The following TCEA1 variants were observed in gnomAD, a reference collection of about 807,000 sequenced individuals.
TCEA1 encodes transcription elongation factor A protein 1.
TCEA1 carries 21 observed loss-of-function variants against 43.8 expected under a neutral mutation model. The observed-to-expected ratio is 0.48, with a 90% CI of 0.34 to 0.69. The LOEUF is 0.69. Among genes scored for constraint, TCEA1 ranks in the 30% least tolerant of loss-of-function variants. The pLI is 0.01. For missense variants in TCEA1, 250 were observed against 365.1 expected (o/e 0.68, Z 2.57); for synonymous variants, 104 against 117.5 (o/e 0.88, Z 0.75).
chr8:54,008,473 C>T (rs908307482), intron 2 of TCEA1, among the ~76,000 whole-genome samples: 7 of 151,804 alleles, frequency 4.6e-5, no homozygotes, highest in Non-Finnish European at 7.4e-5. Context: ...GGGAGAACCC[C>T]GTCTCTAAAA....
At chr8:53,991,497 C>T (rs1803880149) in intron 4 of TCEA1, among the ~76,000 whole-genome samples, 1 of 151,828 alleles carries the variant, frequency 6.6e-6, no homozygotes, top group Middle Eastern at 3.2e-3. Flanking sequence ...GAGTTCAAGA[C>T]CAGCCTGATC....
In TCEA1 at chr8:53,999,927, AG is replaced by A; in HGVS notation, c.232+17del. On this transcript the variant is annotated intron_variant, in intron 3 of 9. Transcript: ENST00000521604. ...AATCACAACATCATAAATATATGTAAGGGAAGATCAATGATACCTAATAATT... is the reference window on the plus strand; with the variant it reads ...AATCACAACATCATAAATATATGTAAGGAAGATCAATGATACCTAATAATT... 1.4e-6 allele frequency: 2 copies of A among 1,401,932 alleles called. No individual in the cohort carries two copies. Among genetic ancestry groups the A allele is most frequent in the African/African-American group, 2.8e-5 (2 of 70,798 alleles). 86.8% of individuals were successfully genotyped at this position (1,401,932 alleles called of 1,614,324 possible).
chr8:53,987,022 T>A lies in TCEA1; in HGVS notation c.470A>T (p.Asp157Val). 1 of 1,596,866 alleles carries A rather than the reference T, an allele frequency of 6.3e-7. No homozygotes were observed. Among genetic ancestry groups the A allele is most frequent in the Non-Finnish European group, 8.5e-7 (1 of 1,172,262 alleles). ...CTCATCAGCTCCAATTGCAATGTAG[T>A]CATCTAAAAATAGGCATAAAGAATT... ...MLAAALRTGDDYIAIGADEEE... is the reference protein window; with the variant it reads ...MLAAALRTGDVYIAIGADEEE... Residue 157 changes from aspartate to valine, a missense_variant, in exon 6 of 10, where the codon GAC (aspartate) becomes GTC (valine). Physicochemically the swap from Asp to Val is radical, Grantham distance 152. This residue lies in a region of TCEA1 where 147 missense variants were observed against 160.3 expected (regional missense o/e 0.92). Coordinates refer to ENST00000521604, the MANE Select transcript of TCEA1 (RefSeq NM_006756.4).
chr8:53,986,319 C>T (rs1803687089), intron 6 of TCEA1, among the ~76,000 whole-genome samples: 2 of 152,194 alleles, frequency 1.3e-5, no homozygotes, highest in South Asian at 2.1e-4. Context: ...CTGTGATGAA[C>T]ATATAGGACA....
intron 2 of TCEA1, among the ~76,000 whole-genome samples, chr8:54,007,186 A>G (rs1401229191): frequency 6.6e-6 from 1 of 152,136 alleles, no homozygotes; most frequent in Non-Finnish European, 1.5e-5. Context: ...GGATCCTTCT[A>G]GCAGTCTGGT....
chr8:54,017,763 A>T (rs1174260511), intron 1 of TCEA1, among the ~76,000 whole-genome samples: 2 of 152,210 alleles, frequency 1.3e-5, no homozygotes, highest in African/African-American at 4.8e-5. Flanking sequence ...TCTACTAAAA[A>T]TACAAAATTA....
At chr8:53,991,492 C>G (rs1803879689) in intron 4 of TCEA1, among the ~76,000 whole-genome samples, 2 of 151,772 alleles carry the variant, frequency 1.3e-5, no homozygotes, top group Non-Finnish European at 2.9e-5. Flanking sequence ...GTCAGGAGTT[C>G]AAGACCAGCC....
intron 9 of TCEA1, among the ~76,000 whole-genome samples, chr8:53,968,490 T>G (rs574344582): frequency 9.2e-5 from 14 of 152,304 alleles, no homozygotes; most frequent in African/African-American, 3.4e-4. Context: ...TGTCAAAACT[T>G]GTGTCACAAA....
At chr8:54,002,898 A>C (rs1478898990) in intron 2 of TCEA1, 2 of 456,304 alleles carry the variant, frequency 4.4e-6, no homozygotes, top group African/African-American at 2.0e-5. Flanking sequence ...TTACCTTGGA[A>C]AGGTGGAGAG....
At chr8:53,970,912 C>T (rs2129297924) in intron 8 of TCEA1, among the ~76,000 whole-genome samples, 1 of 152,278 alleles carries the variant, frequency 6.6e-6, no homozygotes, top group Middle Eastern at 3.4e-3. Context: ...ATAACTCCAA[C>T]AACCTTTCTA....
Position 53,999,173 on chromosome 8 carries a change from C to T in TCEA1, c.232+772G>A, listed in dbSNP as rs532783179. Among the ~76,000 whole-genome samples, 607 of 143,104 alleles carry T rather than the reference C, an allele frequency of 4.2e-3. 4 individuals are homozygous for T. The highest frequency in any genetic ancestry group is 0.015 in the African/African-American group (563 of 38,396). The allele number at this position is 143,104 out of a possible 152,430, so 93.9% of individuals were successfully genotyped here. On this transcript the variant is annotated intron_variant, in intron 3 of 9. Coordinates refer to ENST00000521604, the MANE Select transcript of TCEA1 (RefSeq NM_006756.4). The stretch of plus-strand genomic sequence containing the variant: ...CCAGGAGGCGGAGCTTGCAGTGAGC[C>T]GAGATTGCACCACTGCACTCCAGCC...
chr8:54,003,492 T>A (rs994916229), intron 2 of TCEA1, among the ~76,000 whole-genome samples: 1 of 152,178 alleles, frequency 6.6e-6, no homozygotes, highest in African/African-American at 2.4e-5. Context: ...GGCAAAAGGA[T>A]GGACGCGCAG....
intron 8 of TCEA1, among the ~76,000 whole-genome samples, chr8:53,977,058 G>A (rs749558765): frequency 1.3e-5 from 2 of 152,208 alleles, no homozygotes; most frequent in South Asian, 2.1e-4. Context: ...GGTGGCTCAC[G>A]CCTGTAATCC....
intron 2 of TCEA1, among the ~76,000 whole-genome samples, chr8:54,007,306 G>GT (rs1474941751): frequency 2.6e-5 from 4 of 152,076 alleles, no homozygotes; most frequent in African/African-American, 9.7e-5. Context: ...ATTTTTAAAT[G>GT]TAAGATAGTA....
chr8:53,975,934 C>A (rs964828358), intron 8 of TCEA1, among the ~76,000 whole-genome samples: 26 of 151,840 alleles, frequency 1.7e-4, no homozygotes, highest in African/African-American at 5.6e-4. Context: ...AAAAAGAGAA[C>A]TCAGCAAGAA....
At chr8:54,015,546 T>C (rs985053041) in intron 1 of TCEA1, among the ~76,000 whole-genome samples, 3 of 152,208 alleles carry the variant, frequency 2.0e-5, no homozygotes, top group Non-Finnish European at 2.9e-5. Flanking sequence ...CTAGGACTTA[T>C]GATATTACTA....
intron 2 of TCEA1, among the ~76,000 whole-genome samples, chr8:54,007,007 A>AT (rs1804488690): frequency 2.6e-5 from 4 of 151,908 alleles, no homozygotes; most frequent in Admixed American, 2.6e-4. Flanking sequence ...TGCCCAGCTA[A>AT]TTTTTTTGTA....
chr8:53,967,331 A>C lies in TCEA1; in HGVS notation c.*773T>G. 1 of 201,314 alleles carries C rather than the reference A, an allele frequency of 5.0e-6. No homozygotes were observed. Among genetic ancestry groups the C allele is most frequent in the Non-Finnish European group, 1.0e-5 (1 of 97,552 alleles). The allele number at this position is 201,314 out of a possible 1,614,324, so 12.5% of individuals were successfully genotyped here. A position where few individuals can be genotyped will look rare whatever the true frequency, so the allele number is the denominator to read the frequency against. ...TGGGAAGTTTTCATCTTTGCCTATG[A>C]GGGGATTTATGAAAAGCCTTCTAAA... On this transcript the variant is annotated 3_prime_UTR_variant, in exon 10 of 10. Coordinates refer to ENST00000521604, the MANE Select transcript of TCEA1 (RefSeq NM_006756.4).
At position 53,992,828 on chromosome 8, in the gene TCEA1, A is replaced by G. The variant is rs114539520; in HGVS notation, c.320+840T>C. Among the ~76,000 whole-genome samples, 545 of 152,282 alleles carry G rather than the reference A, an allele frequency of 3.6e-3. 4 individuals are homozygous for G. The highest frequency in any genetic ancestry group is 0.012 in the African/African-American group (516 of 41,566). ...ATTTAACCAACTATGAGTAAGCAACATGTTCAATACTGCATAGTTCGTGAG... is the reference window on the plus strand; with the variant it reads ...ATTTAACCAACTATGAGTAAGCAACGTGTTCAATACTGCATAGTTCGTGAG... On this transcript the variant is annotated intron_variant, in intron 4 of 9. Coordinates refer to ENST00000521604, the MANE Select transcript of TCEA1 (RefSeq NM_006756.4).
Sources: gnomAD v4.1 joint callset for allele counts (sites outside exome capture counted in the v4.1 genomes callset) on GRCh38, gnomAD v4.1.1 for gene constraint, gnomAD v4.1.1 regional missense constraint, MANE v1.5 for transcripts, NCBI Gene and HGNC (gene_info 2026-07-23, HGNC 2026-07-21) for gene names.